The following PIGL variants were observed in gnomAD, a reference collection of about 807,000 sequenced individuals.
PIGL encodes the protein phosphatidylinositol glycan anchor biosynthesis class L, also known as N-acetylglucosaminyl-phosphatidylinositol de-N-acetylase.
PIGL carries 22 observed loss-of-function variants against 31.1 expected under a neutral mutation model. The observed-to-expected ratio is 0.71, with a 90% confidence interval of 0.51 to 1.01. PIGL has a LOEUF of 1.01. PIGL is among the 50% of genes least tolerant of loss of function. PIGL has a pLI of 0.00. For missense variants in PIGL, 302 were observed against 315.9 expected (o/e 0.96, Z 0.33); for synonymous variants, 131 against 117.4 (o/e 1.12, Z -0.75).
intron 2 of PIGL, among the ~76,000 whole-genome samples, chr17:16,268,238 T>G (rs60277322): frequency 1.2e-4 from 18 of 151,954 alleles, no homozygotes; most frequent in Admixed American, 9.2e-4. Flanking sequence ...GATAGAAAAC[T>G]CAAAGGCATC....
At chr17:16,254,849 G>A (rs929794516) in intron 2 of PIGL, among the ~76,000 whole-genome samples, 7 of 151,212 alleles carry the variant, frequency 4.6e-5, no homozygotes, top group Non-Finnish European at 7.4e-5. Flanking sequence ...TGATCCACCC[G>A]CCTCGGCCTC....
At chr17:16,297,525 T>C (rs190864878) in intron 2 of PIGL, among the ~76,000 whole-genome samples, 157 of 152,374 alleles carry the variant, frequency 1.0e-3, no homozygotes, top group Middle Eastern at 6.8e-3. Context: ...TACATTTATG[T>C]GAACCTCTCA....
At chr17:16,267,609 C>T (rs59837344) in intron 2 of PIGL, among the ~76,000 whole-genome samples, 7,229 of 150,602 alleles carry the variant, frequency 0.048, 592 homozygotes, top group African/African-American at 0.17. Flanking sequence ...GAGGCTGAGG[C>T]GGGAAGATCA....
chr17:16,220,480 A>ATT lies in PIGL; in HGVS notation c.235+3044_235+3045dup, dbSNP rs745948237. 2.4e-4 allele frequency among the ~76,000 whole-genome samples: 14 copies of ATT among 57,210 alleles called. 1 individual carries two copies. Among genetic ancestry groups the ATT allele is most frequent in the African/African-American group, 3.5e-4 (7 of 20,040 alleles). 37.5% of individuals were successfully genotyped at this position (57,210 alleles called of 152,430 possible). On this transcript the variant is annotated intron_variant, in intron 1 of 6. Coordinates refer to ENST00000225609, the MANE Select transcript of PIGL (RefSeq NM_004278.4). ...TTTATTTGTGTTTTTTTAAATTGTTATTTTTTTTTTTTTTTTTTTTTTTTT... is the reference window on the plus strand; with the variant it reads ...TTTATTTGTGTTTTTTTAAATTGTTATTTTTTTTTTTTTTTTTTTTTTTTTTT...
chr17:16,317,708 T>C (rs1006140367), intron 5 of PIGL, 67 bp from the exon 6 acceptor site: 8 of 1,605,412 alleles, frequency 5.0e-6, no homozygotes, highest in Non-Finnish European at 6.8e-6. Flanking sequence ...AGAGGGAGGA[T>C]GCTCAGGGGA....
intron 2 of PIGL, among the ~76,000 whole-genome samples, chr17:16,252,738 A>G (rs1446615682): frequency 2.0e-5 from 3 of 152,178 alleles, no homozygotes; most frequent in Non-Finnish European, 4.4e-5. Context: ...ATTTTATTTG[A>G]TAAGTTCAAA....
chr17:16,239,060 G>C (rs1338483336), intron 2 of PIGL, among the ~76,000 whole-genome samples: 1 of 151,840 alleles, frequency 6.6e-6, no homozygotes, highest in Non-Finnish European at 1.5e-5. Flanking sequence ...TTAGCTAGGT[G>C]TGGTGGCACG....
intron 2 of PIGL, among the ~76,000 whole-genome samples, chr17:16,291,192 T>G (rs1183562494): frequency 1.3e-5 from 2 of 152,164 alleles, no homozygotes; most frequent in Non-Finnish European, 2.9e-5. Flanking sequence ...TTTAACCAGT[T>G]CTTTCCAACT....
At chr17:16,277,159 G>C (rs577132041) in intron 2 of PIGL, among the ~76,000 whole-genome samples, 4 of 152,270 alleles carry the variant, frequency 2.6e-5, no homozygotes, top group African/African-American at 9.6e-5. Context: ...CAATGTATGA[G>C]GCCAGTTTTC....
At chr17:16,306,197 C>T (rs552476625) in intron 3 of PIGL, among the ~76,000 whole-genome samples, 8 of 152,270 alleles carry the variant, frequency 5.3e-5, no homozygotes, top group Middle Eastern at 3.4e-3. Context: ...GATCCACCCA[C>T]CTTGGCCTCC....
chr17:16,220,072 G>A lies in PIGL; in HGVS notation c.235+2611G>A, dbSNP rs569148548. On this transcript the variant is annotated intron_variant, in intron 1 of 6. Transcript: ENST00000225609. The stretch of plus-strand genomic sequence containing the variant: ...TTTTTTCAAATAAAAAATATAGGCC[G>A]GGCATGGTGGCTCATGCCTGTAATC... Among the ~76,000 whole-genome samples, 34 of 151,932 alleles carry A rather than the reference G, an allele frequency of 2.2e-4. 1 individual carries two copies. The highest frequency in any genetic ancestry group is 2.0e-3 in the Admixed American group (31 of 15,238).
At chr17:16,257,302 A>C (rs1053942796) in intron 2 of PIGL, among the ~76,000 whole-genome samples, 1 of 152,114 alleles carries the variant, frequency 6.6e-6, no homozygotes, top group Non-Finnish European at 1.5e-5. Context: ...CTGTAATCCC[A>C]GCTACTCAGG....
At chr17:16,285,321 T>C (rs1320373900) in intron 2 of PIGL, among the ~76,000 whole-genome samples, 1 of 151,200 alleles carries the variant, frequency 6.6e-6, no homozygotes, top group Non-Finnish European at 1.5e-5. Context: ...GCGCGGTGGC[T>C]CAAGCCTGTA....
intron 2 of PIGL, among the ~76,000 whole-genome samples, chr17:16,257,955 T>A (rs2092801349): frequency 6.6e-6 from 1 of 150,586 alleles, no homozygotes; most frequent in African/African-American, 2.4e-5. Flanking sequence ...CCCAGCTACT[T>A]GGGAGGTTGA....
intron 2 of PIGL, among the ~76,000 whole-genome samples, chr17:16,250,334 A>G (rs1229647682): frequency 6.6e-6 from 1 of 152,196 alleles, no homozygotes; most frequent in Non-Finnish European, 1.5e-5. Context: ...AAGAAAAAAC[A>G]TAGTATATAT....
chr17:16,228,660 T>C (rs2092664715), intron 1 of PIGL, among the ~76,000 whole-genome samples: 1 of 151,434 alleles, frequency 6.6e-6, no homozygotes, highest in Admixed American at 6.6e-5. Context: ...AGTGATGGGA[T>C]TACAGGCGTA....
intron 1 of PIGL, among the ~76,000 whole-genome samples, chr17:16,226,935 T>G (rs1000069216): frequency 5.3e-5 from 8 of 152,194 alleles, no homozygotes; most frequent in African/African-American, 1.9e-4. Context: ...ATTGTTTTAG[T>G]CCTTCAAGTA....
chr17:16,326,131 T>C lies in PIGL; in HGVS notation c.*233T>C, dbSNP rs1194661690. The C allele has an allele frequency of 4.0e-6, 2 of 502,140 alleles. No individual in the cohort carries two copies. The highest frequency in any genetic ancestry group is 3.2e-5 in the East Asian group (1 of 31,386). The allele number at this position is 502,140 out of a possible 1,614,324, so 31.1% of individuals were successfully genotyped here. A position where few individuals can be genotyped will look rare whatever the true frequency, so the allele number is the denominator to read the frequency against. On this transcript the variant is annotated 3_prime_UTR_variant, in exon 7 of 7. Coordinates refer to ENST00000225609, the MANE Select transcript of PIGL (RefSeq NM_004278.4). ...ACCCCAAGGATAATAATAGCTACAC[T>C]GCTAGCTTCTCAAGTTCTTGTGAAA...
At chr17:16,317,123 T>A in intron 5 of PIGL, 1 of 1,029,390 alleles carries the variant, frequency 9.7e-7, no homozygotes, top group Non-Finnish European at 1.2e-6. Context: ...TGACCCTACC[T>A]GACCATTTAC....
Sources: gnomAD v4.1 joint callset for allele counts (sites outside exome capture counted in the v4.1 genomes callset) on GRCh38, gnomAD v4.1.1 for gene constraint, MANE v1.5 for transcripts, NCBI Gene and HGNC (gene_info 2026-07-23, HGNC 2026-07-21) for gene names.